The following PCBP3 variants were observed in gnomAD, a reference collection of about 807,000 sequenced individuals.
The protein encoded by PCBP3 is poly(rC)-binding protein 3.
Under a neutral mutation model 52.7 loss-of-function variants are expected in PCBP3, and 25 were observed. The observed-to-expected ratio is 0.47, with a 90% CI of 0.35 to 0.66. The LOEUF (loss-of-function observed/expected upper bound fraction) is 0.66, where lower values mean the gene tolerates loss of function less well. PCBP3 is among the 30% of genes least tolerant of loss of function. The probability of loss-of-function intolerance (pLI) is 0.01; values close to 1 mark genes in which losing one functional copy is unlikely to be tolerated. For missense variants in PCBP3, 391 were observed against 490.3 expected (o/e 0.80, Z 1.91); for synonymous variants, 162 against 183.0 (o/e 0.89, Z 0.93).
chr21:45,746,139 T>A (rs2086841025), intron 3 of PCBP3, among the ~76,000 whole-genome samples: 1 of 125,708 alleles, frequency 8.0e-6, no homozygotes. Context: ...CGGTGTTGTG[T>A]CAGCATCGCT....
intron 13 of PCBP3, among the ~76,000 whole-genome samples, chr21:45,926,295 T>C (rs1245686013): frequency 6.6e-6 from 1 of 152,224 alleles, no homozygotes; most frequent in South Asian, 2.1e-4. Context: ...CGTCTAGCCA[T>C]CTAGCACCTG....
chr21:45,796,671 A>G (rs2091933901), intron 4 of PCBP3, among the ~76,000 whole-genome samples: 1 of 151,266 alleles, frequency 6.6e-6, no homozygotes, highest in South Asian at 2.1e-4. Flanking sequence ...GTATTTTTTC[A>G]CCTTTTGCAC....
At chr21:45,828,591 C>T (rs2093366378) in intron 4 of PCBP3, 1 of 152,418 alleles carries the variant, frequency 6.6e-6, no homozygotes, top group East Asian at 1.9e-4. Context: ...GGAGTCCCTC[C>T]CGTCCTCCAT....
chr21:45,801,412 G>A (rs971013202), intron 4 of PCBP3, among the ~76,000 whole-genome samples: 2 of 152,268 alleles, frequency 1.3e-5, no homozygotes, highest in South Asian at 4.1e-4. Flanking sequence ...ACAAGGAGCT[G>A]CAGAGGAGCA....
intron 5 of PCBP3, chr21:45,858,946 C>G (rs532407617): frequency 2.0e-5 from 3 of 152,358 alleles, no homozygotes; most frequent in Admixed American, 6.5e-5. Flanking sequence ...TAAGACGTCC[C>G]TTTGCTCTTC....
chr21:45,694,272 T>G (rs2082644124), intron 2 of PCBP3, among the ~76,000 whole-genome samples: 1 of 152,064 alleles, frequency 6.6e-6, no homozygotes, highest in African/African-American at 2.4e-5. Flanking sequence ...GATTAAACAC[T>G]CCAATTAAAA....
chr21:45,868,359 G>A (rs915517311), intron 5 of PCBP3, among the ~76,000 whole-genome samples: 3 of 151,104 alleles, frequency 2.0e-5, no homozygotes, highest in East Asian at 1.9e-4. Context: ...GCTCTGCGCC[G>A]CCGAATCTCA....
chr21:45,825,180 T>G (rs892967248), intron 4 of PCBP3, among the ~76,000 whole-genome samples: 4 of 152,154 alleles, frequency 2.6e-5, no homozygotes, highest in Non-Finnish European at 4.4e-5. Flanking sequence ...ATTGCTGTGG[T>G]CTTGGTGGTT....
At chr21:45,906,122 C>A (rs1018913424) in intron 9 of PCBP3, among the ~76,000 whole-genome samples, 2 of 152,202 alleles carry the variant, frequency 1.3e-5, no homozygotes, top group African/African-American at 4.8e-5. Context: ...CCAAGTTCAT[C>A]ATTGTCCTCC....
chr21:45,731,845 G>A (rs1328326797), intron 2 of PCBP3, among the ~76,000 whole-genome samples: 1 of 150,612 alleles, frequency 6.6e-6, no homozygotes, highest in Non-Finnish European at 1.5e-5. Flanking sequence ...CTTCGATATT[G>A]TCATAAGCCC....
intron 4 of PCBP3, among the ~76,000 whole-genome samples, chr21:45,838,766 T>C (rs943017262): frequency 6.6e-6 from 1 of 152,236 alleles, no homozygotes; most frequent in African/African-American, 2.4e-5. Flanking sequence ...TCTGTCTGTA[T>C]AATATATTCC....
chr21:45,782,379 T>C (rs1205585687), intron 4 of PCBP3, among the ~76,000 whole-genome samples: 1 of 152,164 alleles, frequency 6.6e-6, no homozygotes, highest in Non-Finnish European at 1.5e-5. Context: ...CATTTTAGAA[T>C]TGAAACATAT....
intron 5 of PCBP3, among the ~76,000 whole-genome samples, chr21:45,884,621 C>A (rs1352529981): frequency 1.3e-5 from 2 of 152,068 alleles, no homozygotes; most frequent in Non-Finnish European, 2.9e-5. Context: ...AGTGCAGTGA[C>A]ACGATCATGG....
At chr21:45,816,078 G>GAGTC (rs1308152841) in intron 4 of PCBP3, among the ~76,000 whole-genome samples, 2 of 107,172 alleles carry the variant, frequency 1.9e-5, no homozygotes, top group Non-Finnish European at 4.1e-5. Context: ...AGTGAGTGGT[G>GAGTC]AGTGATGAGT....
chr21:45,744,406 G>C (rs368349888), intron 3 of PCBP3: 1 of 152,032 alleles, frequency 6.6e-6, no homozygotes, highest in Non-Finnish European at 1.5e-5. Flanking sequence ...TAGATGCTCA[G>C]GCTAGTCTCA....
intron 5 of PCBP3, among the ~76,000 whole-genome samples, chr21:45,854,349 C>A (rs2148298397): frequency 1.3e-5 from 2 of 152,272 alleles, no homozygotes. Flanking sequence ...ATATGCTGGG[C>A]AGCCATCACC....
At chr21:45,725,786 G>C (rs1472549027) in intron 2 of PCBP3, among the ~76,000 whole-genome samples, 1 of 151,898 alleles carries the variant, frequency 6.6e-6, no homozygotes, top group Non-Finnish European at 1.5e-5. Context: ...AGGAGGAGGT[G>C]TTGGAACTGG....
intron 2 of PCBP3, among the ~76,000 whole-genome samples, chr21:45,692,575 C>T (rs1395902197): frequency 1.3e-5 from 2 of 152,092 alleles, no homozygotes; most frequent in African/African-American, 2.4e-5. Flanking sequence ...TTCAAAACAA[C>T]GAAGCAATTA....
chr21:45,881,934 G>C (rs781118874), intron 5 of PCBP3, among the ~76,000 whole-genome samples: 1 of 152,056 alleles, frequency 6.6e-6, no homozygotes, highest in Non-Finnish European at 1.5e-5. Context: ...TTATCCGTTC[G>C]TCTCTCTATG....
Sources: allele counts gnomAD v4.1 joint callset (sites outside exome capture counted in the v4.1 genomes callset), GRCh38; gene constraint gnomAD v4.1.1; transcripts MANE v1.5; gene names NCBI Gene and HGNC (gene_info 2026-07-23, HGNC 2026-07-21).